Variants in CD109 observed in about 807,000 individuals in gnomAD.
CD109 encodes CD109 antigen.
In CD109, 149 loss-of-function variants were observed where a neutral mutation model predicts 165.8. The ratio of observed to expected loss-of-function variants is 0.90; its 90% CI spans 0.79 to 1.03. The LOEUF is 1.03. Ranked by LOEUF, CD109 falls within the 50% of genes least tolerant of loss-of-function variation. The probability of loss-of-function intolerance (pLI) is 0.00; values close to 1 mark genes in which losing one functional copy is unlikely to be tolerated. For missense variants in CD109, 1,712 were observed against 1,677.8 expected, an observed-to-expected ratio of 1.02 and a Z score of -0.36; for synonymous variants, 585 against 592.1, an observed-to-expected ratio of 0.99 and a Z score of 0.18.
intron 15 of CD109, among the ~76,000 whole-genome samples, chr6:73,771,953 G>C (rs1439078344): frequency 6.6e-6 from 1 of 152,102 alleles, no homozygotes; most frequent in Non-Finnish European, 1.5e-5. Context: ...TATGTAGTAT[G>C]CAAGGTGATA....
intron 15 of CD109, among the ~76,000 whole-genome samples, chr6:73,778,652 A>C (rs1255101372): frequency 6.6e-6 from 1 of 152,148 alleles, no homozygotes; most frequent in African/African-American, 2.4e-5. Flanking sequence ...TTCTTGACAC[A>C]TTATGAATTT....
At chr6:73,709,626 G>C (rs1771446541) in intron 2 of CD109, among the ~76,000 whole-genome samples, 2 of 152,106 alleles carry the variant, frequency 1.3e-5, no homozygotes, top group Non-Finnish European at 2.9e-5. Context: ...AAGCCTGGCA[G>C]AGACACAACA....
chr6:73,730,778 G>A (rs1462397721), intron 4 of CD109, among the ~76,000 whole-genome samples: 3 of 152,088 alleles, frequency 2.0e-5, no homozygotes, highest in African/African-American at 4.8e-5. Context: ...ACCTGCTTGA[G>A]TTCCAGGCCT....
At chr6:73,785,596 G>C (rs1465732971) in intron 20 of CD109, 119 bp downstream of exon 20, 1 of 560,636 alleles carries the variant, frequency 1.8e-6, no homozygotes, top group African/African-American at 2.0e-5. Flanking sequence ...ATACATTTCT[G>C]GGAGGCTGAA....
intron 23 of CD109, among the ~76,000 whole-genome samples, chr6:73,794,438 G>A (rs1775084260): frequency 1.3e-5 from 2 of 152,204 alleles, no homozygotes; most frequent in South Asian, 4.1e-4. Flanking sequence ...AATATTAAGG[G>A]AGGAACATGG....
chr6:73,791,196 T>TATATATATATACCCCTAC (rs1562071146), intron 22 of CD109, among the ~76,000 whole-genome samples: 1 of 22,288 alleles, frequency 4.5e-5, no homozygotes, highest in Non-Finnish European at 9.9e-5. Flanking sequence ...CACATACATA[T>TATATATATATACCCCTAC]ATATATATAT....
chr6:73,736,980 T>A (rs1193348910), intron 5 of CD109, among the ~76,000 whole-genome samples: 2 of 152,226 alleles, frequency 1.3e-5, no homozygotes, highest in Non-Finnish European at 2.9e-5. Flanking sequence ...ACCTATTGCC[T>A]TTACTTGCTG....
chr6:73,774,696 A>G (rs2150240201), intron 15 of CD109, among the ~76,000 whole-genome samples: 1 of 152,298 alleles, frequency 6.6e-6, no homozygotes, highest in South Asian at 2.1e-4. Flanking sequence ...CTGGAGGGAA[A>G]TAAGAGCAAA....
chr6:73,778,822 TCTGA>T (rs1323569574), intron 15 of CD109, among the ~76,000 whole-genome samples: 11 of 152,180 alleles, frequency 7.2e-5, no homozygotes, highest in Admixed American at 7.2e-4. Flanking sequence ...GATTTTTAAT[TCTGA>T]CTTTGTCTTA....
chr6:73,784,560 C>A (rs373155862), intron 19 of CD109, among the ~76,000 whole-genome samples: 2 of 152,274 alleles, frequency 1.3e-5, no homozygotes, highest in Admixed American at 1.3e-4. Context: ...ATAGCACCTT[C>A]GAGTCATGGT....
At chr6:73,689,549 T>C in the CD109 span, among the ~76,000 whole-genome samples, 1 of 152,234 alleles carries the variant, frequency 6.6e-6, no homozygotes, top group South Asian at 2.1e-4. Flanking sequence ...GGTTCAGTTT[T>C]TCTTATATCC....
In CD109 at chr6:73,736,453, T is replaced by C. The variant is rs1343147153; in HGVS notation, c.578T>C (p.Phe193Ser). The C allele has an allele frequency of 3.1e-6, 5 of 1,613,902 alleles. No individual in the cohort carries two copies. The East Asian group carries it at 8.9e-5, about 29-fold the overall frequency. ...GATCTTGGAGTCATTTCCAAAACTT[T>C]TCAGCTATCTTCCCATCCAATACTT... is the stretch of plus-strand genomic sequence containing the variant. ...QSDLGVISKT[F>S]QLSSHPILGD... The change falls in exon 5 of 33, where the codon TTT becomes TCT. Residue 193 changes from phenylalanine (F) to serine (S), a missense_variant. By Grantham distance (155) the Phe-to-Ser change is radical (BLOSUM62 -2). Transcript: ENST00000287097.
chr6:73,766,502 C>A (rs922632979), intron 11 of CD109, among the ~76,000 whole-genome samples: 15 of 141,988 alleles, frequency 1.1e-4, no homozygotes, highest in Admixed American at 9.5e-4. Context: ...TATATATATA[C>A]ACACATATAT....
chr6:73,715,500 G>A (rs184396037), intron 2 of CD109, among the ~76,000 whole-genome samples: 1 of 151,298 alleles, frequency 6.6e-6, no homozygotes, highest in Non-Finnish European at 1.5e-5. Context: ...AGGAGTTTGG[G>A]GTGGCAGTGA....
intron 15 of CD109, among the ~76,000 whole-genome samples, chr6:73,772,366 G>A (rs905298051): frequency 1.7e-4 from 26 of 151,920 alleles, no homozygotes; most frequent in Non-Finnish European, 3.2e-4. Context: ...TTAGCCGGGC[G>A]CGGTGGCGGG....
chr6:73,802,305 A>ACATAT lies in CD109; in HGVS notation c.2879-915_2879-914insCATAT, dbSNP rs1775391354. On this transcript the variant is annotated intron_variant, in intron 23 of 32. Transcript: ENST00000287097. The stretch of plus-strand genomic sequence containing the variant: ...TGTGTGTGTGTATATATATATATAT[A>ACATAT]TTTTTTTTTTTTTTTTTTTTTTTAG... 1.5e-4 allele frequency among the ~76,000 whole-genome samples: 7 copies of ACATAT among 47,610 alleles called. No homozygotes were observed. In the South Asian group the frequency reaches 3.7e-3, roughly 25 times the overall value. The allele number at this position is 47,610 out of a possible 152,430, so 31.2% of individuals were successfully genotyped here. A position where few individuals can be genotyped will look rare whatever the true frequency, so the allele number is the denominator to read the frequency against.
In CD109 at chr6:73,762,175, C is replaced by A. The variant is rs1187569409; in HGVS notation, c.759-209C>A. ...ACAGGGTTTCACTATGTTGGCCAGG[C>A]TGGTCTTGCACTCCTGACCTCGTGA... is the stretch of plus-strand genomic sequence containing the variant. On this transcript the variant is annotated intron_variant, in intron 7 of 32. Transcript: ENST00000287097. Among the ~76,000 whole-genome samples the A allele has an allele frequency of 4.6e-5, 7 of 152,030 alleles. 1 individual carries two copies. Among genetic ancestry groups the A allele is most frequent in the Non-Finnish European group, 8.8e-5 (6 of 68,002 alleles).
At chr6:73,762,344 C>T in intron 7 of CD109, 40 bp from the exon 8 acceptor site, 2 of 1,202,658 alleles carry the variant, frequency 1.7e-6, no homozygotes, top group Non-Finnish European at 2.4e-6. Flanking sequence ...CTGACAATAT[C>T]AAGTTGATAC....
At chr6:73,738,425 C>T (rs564507262) in intron 5 of CD109, among the ~76,000 whole-genome samples, 43 of 152,172 alleles carry the variant, frequency 2.8e-4, no homozygotes, top group Non-Finnish European at 5.7e-4. Flanking sequence ...TCAGATGCCA[C>T]CTATGCACAA....
Sources: allele counts gnomAD v4.1 joint callset (sites outside exome capture counted in the v4.1 genomes callset), GRCh38; gene constraint gnomAD v4.1.1; transcripts MANE v1.5; gene names NCBI Gene and HGNC (gene_info 2026-07-23, HGNC 2026-07-21).